The following CTNNA3 variants were observed in gnomAD, a reference collection of about 807,000 sequenced individuals.
CTNNA3 encodes the protein catenin alpha 3.
In CTNNA3, 76 loss-of-function variants were observed where a neutral mutation model predicts 95.7. That is an observed-to-expected ratio of 0.79 (90% confidence interval 0.66 to 0.96). The LOEUF is 0.96. CTNNA3 is among the 40% of genes least tolerant of loss of function. CTNNA3 has a pLI of 0.00. For missense variants in CTNNA3, 1,191 were observed against 1,089.8 expected (o/e 1.09, Z -1.31); for synonymous variants, 431 against 374.4 (o/e 1.15, Z -1.74).
rs1210482029 is a variant in CTNNA3 at position 67,296,934 on chromosome 10, C to CAAAAAAAAA, written c.580-77073_580-77065dup. Among the ~76,000 whole-genome samples, 51 of 17,660 alleles carry CAAAAAAAAA rather than the reference C, an allele frequency of 2.9e-3. 13 individuals carry two copies. Among genetic ancestry groups the CAAAAAAAAA allele is most frequent in the East Asian group, 0.022 (10 of 454 alleles). The allele number at this position is 17,660 out of a possible 152,430, so 11.6% of individuals were successfully genotyped here. Reference sequence around the variant, plus strand: ...GGGCAACAAGAATGAAACGCTGTCTCAAAAAAAAAAAAAAAAAAAAAAAAA... The same window carrying CAAAAAAAAA: ...GGGCAACAAGAATGAAACGCTGTCTCAAAAAAAAAAAAAAAAAAAAAAAAAAAAAAAAAA... On this transcript the variant is annotated intron_variant, in intron 5 of 17. Transcript: ENST00000433211.
At chr10:66,707,713 G>C (rs968601051) in intron 9 of CTNNA3, among the ~76,000 whole-genome samples, 1 of 152,072 alleles carries the variant, frequency 6.6e-6, no homozygotes, top group Non-Finnish European at 1.5e-5. Flanking sequence ...TGGATAATAA[G>C]TGACAAGGTG....
At chr10:66,392,986 G>A (rs540187551) in intron 11 of CTNNA3, among the ~76,000 whole-genome samples, 3 of 152,102 alleles carry the variant, frequency 2.0e-5, no homozygotes, top group African/African-American at 7.2e-5. Flanking sequence ...CCAAAACTTA[G>A]GTGTAACCAA....
At chr10:67,355,889 C>G (rs1321288064) in intron 5 of CTNNA3, among the ~76,000 whole-genome samples, 2 of 151,986 alleles carry the variant, frequency 1.3e-5, no homozygotes, top group Admixed American at 1.3e-4. Flanking sequence ...AGACCTTATT[C>G]TCCAAGTCAC....
At chr10:66,200,682 G>A (rs1024030979) in intron 13 of CTNNA3, among the ~76,000 whole-genome samples, 1 of 152,112 alleles carries the variant, frequency 6.6e-6, no homozygotes, top group Non-Finnish European at 1.5e-5. Flanking sequence ...TTATATTTCT[G>A]TTCAATCCTC....
At chr10:67,410,266 AAC>A (rs772715406) in intron 5 of CTNNA3, among the ~76,000 whole-genome samples, 5 of 152,078 alleles carry the variant, frequency 3.3e-5, no homozygotes, top group Non-Finnish European at 7.4e-5. Context: ...CTGAAAACCA[AAC>A]ACCAAGTTTT....
intron 7 of CTNNA3, chr10:67,097,510 C>A: frequency 3.1e-6 from 4 of 1,301,794 alleles, no homozygotes; most frequent in Non-Finnish European, 4.4e-6. Context: ...GTCAGGTCAG[C>A]ACTTCAGTCT....
At chr10:67,601,672 G>A (rs1843088018) in intron 3 of CTNNA3, among the ~76,000 whole-genome samples, 1 of 152,110 alleles carries the variant, frequency 6.6e-6, no homozygotes, top group Non-Finnish European at 1.5e-5. Context: ...CCTAATTCCT[G>A]GGTAACTGCT....
intron 9 of CTNNA3, among the ~76,000 whole-genome samples, chr10:66,685,268 TATATAC>T (rs1300519016): frequency 5.6e-5 from 5 of 89,258 alleles, no homozygotes; most frequent in East Asian, 2.3e-4. Flanking sequence ...TATGTGTGTA[TATATAC>T]GTATATATAA....
At chr10:65,991,962 A>G (rs1315294297) in intron 15 of CTNNA3, among the ~76,000 whole-genome samples, 2 of 152,070 alleles carry the variant, frequency 1.3e-5, no homozygotes, top group Admixed American at 6.6e-5. Context: ...TCATGAAAAG[A>G]TCTTGAATTT....
At chr10:67,602,528 G>A (rs1037892813) in intron 3 of CTNNA3, among the ~76,000 whole-genome samples, 1 of 152,176 alleles carries the variant, frequency 6.6e-6, no homozygotes, top group Admixed American at 6.5e-5. Flanking sequence ...TGTGTATACA[G>A]CATATGACAT....
intron 7 of CTNNA3, among the ~76,000 whole-genome samples, chr10:66,990,865 G>A (rs1317105592): frequency 6.6e-6 from 1 of 152,128 alleles, no homozygotes; most frequent in Non-Finnish European, 1.5e-5. Flanking sequence ...GGCATCTTTA[G>A]CATGTCAATT....
chr10:67,597,295 C>G (rs1842959664), intron 3 of CTNNA3, among the ~76,000 whole-genome samples: 1 of 152,204 alleles, frequency 6.6e-6, no homozygotes, highest in African/African-American at 2.4e-5. Context: ...AAAACCACTG[C>G]TGGTGAGCTA....
intron 6 of CTNNA3, among the ~76,000 whole-genome samples, chr10:67,196,952 TA>T (rs1293888004): frequency 1.1e-4 from 16 of 152,222 alleles, no homozygotes; most frequent in South Asian, 2.1e-4. Flanking sequence ...TTAAAATGTG[TA>T]AAAAATCCTA....
chr10:66,864,990 G>C (rs917763826), intron 7 of CTNNA3, among the ~76,000 whole-genome samples: 2 of 152,044 alleles, frequency 1.3e-5, no homozygotes, highest in Non-Finnish European at 2.9e-5. Flanking sequence ...AGCAGTTAGA[G>C]TGGCATATTT....
chr10:66,333,635 T>A (rs931320043), intron 12 of CTNNA3, among the ~76,000 whole-genome samples: 2 of 151,832 alleles, frequency 1.3e-5, no homozygotes, highest in African/African-American at 2.4e-5. Flanking sequence ...TGCTGAGGAG[T>A]GCTTTACTTC....
At chr10:65,953,328 C>A (rs1019273344) in intron 17 of CTNNA3, among the ~76,000 whole-genome samples, 1 of 151,922 alleles carries the variant, frequency 6.6e-6, no homozygotes, top group African/African-American at 2.4e-5. Flanking sequence ...GGGAACTGAA[C>A]TGCAACAGTA....
At chr10:67,074,508 G>T (rs969102571) in intron 7 of CTNNA3, among the ~76,000 whole-genome samples, 2 of 151,342 alleles carry the variant, frequency 1.3e-5, no homozygotes, top group Admixed American at 6.6e-5. Context: ...CCACCACCAC[G>T]CCCGGCTAAT....
chr10:67,352,098 A>G (rs879898737), intron 5 of CTNNA3, among the ~76,000 whole-genome samples: 3 of 151,994 alleles, frequency 2.0e-5, no homozygotes, highest in Non-Finnish European at 4.4e-5. Context: ...GATAGAGACA[A>G]GTAATAAGCA....
intron 12 of CTNNA3, among the ~76,000 whole-genome samples, chr10:66,299,045 A>G (rs1349519574): frequency 3.9e-5 from 6 of 152,018 alleles, no homozygotes; most frequent in Admixed American, 3.9e-4. Flanking sequence ...GAATGCAACC[A>G]TCTGTCTCTT....
Sources: allele counts gnomAD v4.1 joint callset (sites outside exome capture counted in the v4.1 genomes callset), GRCh38; gene constraint gnomAD v4.1.1; transcripts MANE v1.5; gene names NCBI Gene and HGNC (gene_info 2026-07-23, HGNC 2026-07-21).